Variants in KLRG1 observed in about 807,000 individuals in gnomAD.
KLRG1 encodes killer cell lectin-like receptor subfamily G member 1.
KLRG1 carries 16 observed loss-of-function variants against 21.8 expected under a neutral mutation model. The observed-to-expected ratio is 0.73, with a 90% CI of 0.50 to 1.11. KLRG1 has a LOEUF of 1.11. KLRG1 is among the 50% of genes most tolerant of loss of function. The pLI, the probability that KLRG1 is intolerant of heterozygous loss-of-function variation, is 0.00. For synonymous variants in KLRG1, 69 were observed against 75.9 expected, an observed-to-expected ratio of 0.91 and a Z score of 0.47; for missense variants, 173 against 218.3, an observed-to-expected ratio of 0.79 and a Z score of 1.31.
chr12:9,196,749 T>A, the KLRG1 span: 1 of 1,385,894 alleles, frequency 7.2e-7, no homozygotes. Context: ...CTGAATCTAC[T>A]ATTCTGTCTC....
the KLRG1 span, among the ~76,000 whole-genome samples, chr12:9,160,728 C>T: frequency 6.6e-6 from 1 of 151,988 alleles, no homozygotes; most frequent in African/African-American, 2.4e-5. Flanking sequence ...TCCTGGTGAA[C>T]ACGGTGAAAC....
At chr12:9,202,313 G>A in the KLRG1 span, 1 of 1,611,128 alleles carries the variant, frequency 6.2e-7, no homozygotes, top group Non-Finnish European at 8.5e-7. Context: ...GATAGTGGAT[G>A]CTTACCAGTT....
At chr12:9,171,591 T>G in the KLRG1 span, among the ~76,000 whole-genome samples, 5 of 152,112 alleles carry the variant, frequency 3.3e-5, no homozygotes, top group Non-Finnish European at 5.9e-5. Flanking sequence ...CTGAGAATCA[T>G]GATAAAACAA....
chr12:9,081,521 A>G, the KLRG1 span, among the ~76,000 whole-genome samples: 1 of 152,226 alleles, frequency 6.6e-6, no homozygotes, highest in Non-Finnish European at 1.5e-5. Flanking sequence ...CACAGATCAG[A>G]AAATCTATTT....
chr12:8,952,074 T>G (rs916836815), intron 1 of KLRG1, among the ~76,000 whole-genome samples: 1 of 151,862 alleles, frequency 6.6e-6, no homozygotes. Flanking sequence ...ATGAGCAGAA[T>G]TTTTTTTTGT....
chr12:9,182,222 T>C, the KLRG1 span: 1 of 1,098,076 alleles, frequency 9.1e-7, no homozygotes, highest in Non-Finnish European at 1.2e-6. Flanking sequence ...ACTTGAGAAC[T>C]GCGTCCATTC....
At chr12:9,125,255 T>C in the KLRG1 span, among the ~76,000 whole-genome samples, 1 of 152,204 alleles carries the variant, frequency 6.6e-6, no homozygotes, top group Admixed American at 6.5e-5. Flanking sequence ...TGAGCTGTTC[T>C]AAAATTTAGT....
the KLRG1 span, among the ~76,000 whole-genome samples, chr12:9,021,751 ACAGGGT>A: frequency 6.6e-6 from 1 of 152,108 alleles, no homozygotes; most frequent in African/African-American, 2.4e-5. Flanking sequence ...CTCGGGCTAC[ACAGGGT>A]CAGGATCATC....
At chr12:9,147,440 ATCT>A in the KLRG1 span, among the ~76,000 whole-genome samples, 23 of 152,118 alleles carry the variant, frequency 1.5e-4, no homozygotes, top group Admixed American at 1.4e-3. Context: ...AGTGTTCTGA[ATCT>A]TCTTTTTTCT....
the KLRG1 span, among the ~76,000 whole-genome samples, chr12:9,080,966 T>C: frequency 6.6e-6 from 1 of 152,130 alleles, no homozygotes; most frequent in Non-Finnish European, 1.5e-5. Context: ...CTGATGAACA[T>C]ACATTTACTA....
the KLRG1 span, among the ~76,000 whole-genome samples, chr12:9,205,871 A>G: frequency 6.6e-6 from 1 of 152,174 alleles, no homozygotes; most frequent in Admixed American, 6.5e-5. Flanking sequence ...TGGAATGTGG[A>G]ACTCAAATTT....
chr12:8,995,481 C>T lies in KLRG1; in HGVS notation c.357+193C>T, dbSNP rs189947651. Among the ~76,000 whole-genome samples the T allele has an allele frequency of 1.9e-3, 296 of 152,176 alleles. 1 individual carries two copies. The highest frequency in any genetic ancestry group is 6.6e-3 in the African/African-American group (274 of 41,496). ...ACTTCTGCCTTCTTCCCTCTCCCTC[C>T]CCACTCTTTACCCTTATGCTGTCTG... is the stretch of plus-strand genomic sequence containing the variant. On this transcript the variant is annotated intron_variant, in intron 3 of 4. Transcript: ENST00000356986.
At chr12:9,133,031 C>G in the KLRG1 span, among the ~76,000 whole-genome samples, 1 of 151,600 alleles carries the variant, frequency 6.6e-6, no homozygotes, top group Non-Finnish European at 1.5e-5. Flanking sequence ...TTAGTGAACT[C>G]AAAACTTTAT....
the KLRG1 span, chr12:9,154,643 G>A: frequency 2.6e-5 from 42 of 1,614,048 alleles, no homozygotes; most frequent in East Asian, 4.5e-5. Context: ...CACCTTGGGC[G>A]TTCTGCTGCT....
the KLRG1 span, among the ~76,000 whole-genome samples, chr12:9,081,543 A>G: frequency 1.3e-5 from 2 of 152,240 alleles, no homozygotes; most frequent in Non-Finnish European, 2.9e-5. Context: ...GAAAACCCCA[A>G]TACTTGGAAA....
At chr12:9,102,941 G>A in the KLRG1 span, among the ~76,000 whole-genome samples, 9 of 151,906 alleles carry the variant, frequency 5.9e-5, 1 homozygote, top group South Asian at 4.2e-4. Flanking sequence ...AGAGGCAGGC[G>A]TTTTCCATTA....
Position 8,977,835 on chromosome 12 carries a change from C to G in KLRG1, c.-155-14371C>G, listed in dbSNP as rs758395599. On this transcript the variant is annotated intron_variant, in intron 1 of 4. Coordinates refer to the KLRG1 transcript ENST00000539240. ...AATCTGTACAGTGTTGCTTCCTCTG[C>G]CTGAATTTTGTGTTTCTGTATTGTT... Among the ~76,000 whole-genome samples the G allele has an allele frequency of 6.6e-5, 10 of 152,106 alleles. No homozygotes were observed. In the East Asian group the frequency reaches 1.2e-3, roughly 18 times the overall value.
chr12:9,026,644 T>A, the KLRG1 span, among the ~76,000 whole-genome samples: 1 of 152,212 alleles, frequency 6.6e-6, no homozygotes, highest in South Asian at 2.1e-4. Flanking sequence ...CATGTTTATA[T>A]CCTTTGGCTA....
At chr12:9,020,600 T>C in the KLRG1 span, among the ~76,000 whole-genome samples, 2 of 152,262 alleles carry the variant, frequency 1.3e-5, no homozygotes, top group Non-Finnish European at 2.9e-5. Context: ...ATCAATATTT[T>C]ACTCTTTTTT....
Sources: gnomAD v4.1 joint callset for allele counts (sites outside exome capture counted in the v4.1 genomes callset) on GRCh38, gnomAD v4.1.1 for gene constraint, MANE v1.5 for transcripts, NCBI Gene and HGNC (gene_info 2026-07-23, HGNC 2026-07-21) for gene names.